The following EPN2 variants were observed in gnomAD, a reference collection of about 807,000 sequenced individuals.
EPN2 encodes the protein epsin 2.
In EPN2, 34 loss-of-function variants were observed where a neutral mutation model predicts 61.7. The observed-to-expected ratio is 0.55, with a 90% confidence interval of 0.42 to 0.73. The LOEUF is 0.73. Among genes scored for constraint, EPN2 ranks in the 30% least tolerant of loss-of-function variants. EPN2 has a pLI of 0.00. For synonymous variants in EPN2, 349 were observed against 353.6 expected, an observed-to-expected ratio of 0.99 and a Z score of 0.15; for missense variants, 714 against 839.2, an observed-to-expected ratio of 0.85 and a Z score of 1.84.
rs1210908441 is a variant in EPN2 at position 19,310,036 on chromosome 17, C to T, written c.879+39C>T. On this transcript the variant is annotated intron_variant, in intron 5 of 10. Coordinates refer to ENST00000314728, the MANE Select transcript of EPN2 (RefSeq NM_014964.5). ...GCAGGTCTGCACTGCATTGACTGCC[C>T]ATGCTCAGGGTGGAGTGTGGCTCAC... 3 of 1,412,054 alleles carry T rather than the reference C, an allele frequency of 2.1e-6. No individual in the cohort carries two copies. The South Asian group carries it at 3.4e-5, about 16-fold the overall frequency. The allele number at this position is 1,412,054 out of a possible 1,614,324, so 87.5% of individuals were successfully genotyped here. A position where few individuals can be genotyped will look rare whatever the true frequency, so the allele number is the denominator to read the frequency against.
intron 1 of EPN2, among the ~76,000 whole-genome samples, chr17:19,240,830 A>G (rs2152197120): frequency 6.6e-6 from 1 of 152,216 alleles, no homozygotes; most frequent in African/African-American, 2.4e-5. Context: ...TTACTTCTCC[A>G]GTACCAGGCT....
Position 19,333,972 on chromosome 17 carries a change from G to A in EPN2, c.1644G>A (p.Ser548=), listed in dbSNP as rs2152241934. 14 of 1,551,298 alleles carry A rather than the reference G, an allele frequency of 9.0e-6. No homozygotes were observed. The highest frequency in any genetic ancestry group is 1.7e-4 in the Middle Eastern group (1 of 5,812). The change falls in exon 11 of 11, where the codon TCG becomes TCA. Residue 548 remains serine (S), a synonymous_variant. Transcript: ENST00000314728. ...TCTCCCCAGGTGCTCCCGCCACCTCGGCCCCTGTTAACCCTTTCCAGGTGA... is the reference window on the plus strand; with the variant it reads ...TCTCCCCAGGTGCTCCCGCCACCTCAGCCCCTGTTAACCCTTTCCAGGTGA... The part of the protein sequence containing the change: ...PFLAPGAPAT[S]APVNPFQVNQ...
chr17:19,271,520 A>G (rs993598512), intron 1 of EPN2: 1 of 152,276 alleles, frequency 6.6e-6, no homozygotes, highest in African/African-American at 2.4e-5. Flanking sequence ...AGCTTCAGCT[A>G]AGGTGAGCCT....
In EPN2 at chr17:19,335,327, TGAAAGTTAAA is replaced by T; in HGVS notation, c.*1078_*1087del. The T allele has an allele frequency of 6.9e-7, 1 of 1,447,436 alleles. No individual in the cohort carries two copies. The highest frequency in any genetic ancestry group is 2.1e-5 in the Admixed American group (1 of 46,624). 89.7% of individuals were successfully genotyped at this position (1,447,436 alleles called of 1,614,324 possible). ...TTTTCTTACGAATATACCAACATCC[TGAAAGTTAAA>T]GAAAAAAATCTAATGTATGAATGTG... On this transcript the variant is annotated 3_prime_UTR_variant, in exon 11 of 11. Coordinates refer to ENST00000314728, the MANE Select transcript of EPN2 (RefSeq NM_014964.5).
chr17:19,329,237 C>G (rs1487298003), intron 8 of EPN2: 13 of 432,362 alleles, frequency 3.0e-5, no homozygotes, highest in Admixed American at 1.7e-4. Context: ...TCCTACAGAC[C>G]CTCATCCAAG....
At chr17:19,331,357 C>T (rs1370809849) in intron 9 of EPN2, among the ~76,000 whole-genome samples, 1 of 152,144 alleles carries the variant, frequency 6.6e-6, no homozygotes, top group African/African-American at 2.4e-5. Flanking sequence ...AATTCCTGTA[C>T]CGTGAAGCAT....
At chr17:19,311,850 G>A (rs1906152782) in intron 5 of EPN2, among the ~76,000 whole-genome samples, 1 of 152,266 alleles carries the variant, frequency 6.6e-6, no homozygotes, top group African/African-American at 2.4e-5. Context: ...AGGGGTCCAA[G>A]TCACAGGAGT....
At chr17:19,321,827 C>T (rs1263150107) in intron 7 of EPN2, among the ~76,000 whole-genome samples, 2 of 152,134 alleles carry the variant, frequency 1.3e-5, no homozygotes, top group African/African-American at 4.8e-5. Flanking sequence ...TCTCCCGTGT[C>T]CTCTGTGTTG....
At chr17:19,325,530 T>G (rs1251041486) in intron 7 of EPN2, among the ~76,000 whole-genome samples, 2 of 152,256 alleles carry the variant, frequency 1.3e-5, no homozygotes, top group East Asian at 3.8e-4. Flanking sequence ...CATTAGCCAT[T>G]TATTTCCAAA....
At chr17:19,330,463 C>T (rs904050625) in intron 9 of EPN2, among the ~76,000 whole-genome samples, 4 of 152,148 alleles carry the variant, frequency 2.6e-5, no homozygotes, top group Admixed American at 6.5e-5. Flanking sequence ...CAGCCTGGCA[C>T]CGTTGACCCT....
At chr17:19,248,756 A>G (rs1179188401) in intron 1 of EPN2, among the ~76,000 whole-genome samples, 1 of 152,198 alleles carries the variant, frequency 6.6e-6, no homozygotes, top group African/African-American at 2.4e-5. Context: ...ACATTTCAAA[A>G]TAGTTTTTGG....
intron 1 of EPN2, among the ~76,000 whole-genome samples, chr17:19,259,069 A>G (rs2045111914): frequency 6.6e-6 from 1 of 152,240 alleles, no homozygotes; most frequent in South Asian, 2.1e-4. Context: ...GAATGGGGAA[A>G]CAAATATTAT....
intron 1 of EPN2, among the ~76,000 whole-genome samples, chr17:19,243,079 G>A (rs1225969857): frequency 6.6e-6 from 1 of 152,146 alleles, no homozygotes; most frequent in Non-Finnish European, 1.5e-5. Context: ...AGGGGGGCTC[G>A]TAATCACTAC....
At position 19,312,127 on chromosome 17, in the gene EPN2, A is replaced by G. The variant is rs761560440; in HGVS notation, c.955A>G (p.Ile319Val). 6.2e-7 allele frequency: 1 copy of G among 1,613,834 alleles called. No individual in the cohort carries two copies. The highest frequency in any genetic ancestry group is 1.7e-5 in the Admixed American group (1 of 60,032). ...AGAAAGCCGAAGGGACACAGTTAAA[A>G]TTCCAAAAAAGAAAGAGGTAAGAGC... ...LEESRRDTVK[I>V]PKKKEHGSLP... The change falls in exon 6 of 11, where the codon ATT (isoleucine) becomes GTT (valine). Residue 319 changes from isoleucine (I) to valine (V), a missense_variant. Coordinates refer to ENST00000314728, the MANE Select transcript of EPN2 (RefSeq NM_014964.5).
chr17:19,276,391 T>C (rs1597988177), intron 1 of EPN2: 1 of 121,440 alleles, frequency 8.2e-6, no homozygotes. Context: ...TTTTTTTTTT[T>C]TGTAGAAATG....
rs1220607508 is a variant in EPN2, at chr17:19,285,722, T to TG, written c.702dup (p.Leu235AlafsTer17). The TG allele has an allele frequency of 6.2e-7, 1 of 1,606,704 alleles. No homozygotes were observed. ...CAGCGCCACCCCTTCCTGCCGCACCTGGGGCTGGCCTCCCGCCCAAATGGC... is the reference window on the plus strand; with the variant it reads ...CAGCGCCACCCCTTCCTGCCGCACCTGGGGGCTGGCCTCCCGCCCAAATGGC... On this transcript the variant is annotated frameshift_variant, in exon 4 of 11. Coordinates refer to ENST00000314728, the MANE Select transcript of EPN2 (RefSeq NM_014964.5). LOFTEE classifies it high-confidence loss of function. The surrounding 1 kb of genome is among the most constrained non-coding windows in gnomAD (Gnocchi z 4.5).
chr17:19,308,127 G>A (rs1293764041), intron 4 of EPN2: 1 of 737,148 alleles, frequency 1.4e-6, no homozygotes, highest in African/African-American at 1.9e-5. Flanking sequence ...AGGCTGGAGT[G>A]CAGTAGCTTG....
chr17:19,266,814 C>T (rs1295610687), intron 1 of EPN2, among the ~76,000 whole-genome samples: 1 of 151,814 alleles, frequency 6.6e-6, no homozygotes, highest in Non-Finnish European at 1.5e-5. Context: ...AAAATGTGGT[C>T]CATCTTTACA....
chr17:19,302,964 A>C (rs1258672553), intron 4 of EPN2, among the ~76,000 whole-genome samples: 1 of 152,226 alleles, frequency 6.6e-6, no homozygotes, highest in Non-Finnish European at 1.5e-5. Context: ...CACATAGGGC[A>C]GGGAGGAAGA....
Sources: allele counts gnomAD v4.1 joint callset (sites outside exome capture counted in the v4.1 genomes callset), GRCh38; gene constraint gnomAD v4.1.1; non-coding constraint Gnocchi (gnomAD v3.1); transcripts MANE v1.5; gene names NCBI Gene and HGNC (gene_info 2026-07-23, HGNC 2026-07-21).